The following NAV1 variants were observed in gnomAD, a reference collection of about 807,000 sequenced individuals.
NAV1 encodes the protein pore membrane and/or filament interacting like protein 3.
NAV1 carries 18 observed loss-of-function variants against 175.2 expected under a neutral mutation model. That is an observed-to-expected ratio of 0.10 (90% CI 0.07 to 0.15). The LOEUF (loss-of-function observed/expected upper bound fraction) is 0.15, where lower values mean the gene tolerates loss of function less well. Among genes scored for constraint, NAV1 ranks in the 10% least tolerant of loss-of-function variants. The pLI, the probability that NAV1 is intolerant of heterozygous loss-of-function variation, is 1.00. For synonymous variants in NAV1, 897 were observed against 978.7 expected (o/e 0.92, Z 1.56); for missense variants, 1,731 against 2,436.6 (o/e 0.71, Z 6.10).
upstream of NAV1, among the ~76,000 whole-genome samples, chr1:201,644,412 G>A (rs931442408): frequency 6.6e-6 from 1 of 152,202 alleles, no homozygotes; most frequent in Non-Finnish European, 1.5e-5. Context: ...TCCCACTGCA[G>A]TAGAGGATAG....
chr1:201,617,399 G>T (rs912695491), intron 2 of NAV1, among the ~76,000 whole-genome samples: 4 of 152,180 alleles, frequency 2.6e-5, no homozygotes, highest in South Asian at 4.1e-4. Flanking sequence ...ATGCTGACAG[G>T]CAAGCTCTTT....
intron 1 of NAV1, among the ~76,000 whole-genome samples, chr1:201,650,216 G>A (rs1206730908): frequency 6.6e-6 from 1 of 152,202 alleles, no homozygotes; most frequent in Non-Finnish European, 1.5e-5. Flanking sequence ...GAGGAAGCGC[G>A]CAGAGCTGTT....
At position 201,809,272 on chromosome 1, in the gene NAV1, TC is replaced by T; in HGVS notation, c.4305+12del. ...CACATCATCAAAGGGGTAAGGAACT[TC>T]AGGGAGAGCCACAGTGGGAATGAAC... On this transcript the variant is annotated intron_variant, in intron 21 of 29. Transcript: ENST00000367296. 6.2e-7 allele frequency: 1 copy of T among 1,613,366 alleles called. No individual in the cohort carries two copies. Among genetic ancestry groups the T allele is most frequent in the East Asian group, 2.2e-5 (1 of 44,864 alleles).
At chr1:201,615,768 C>A (rs1158690395) in intron 2 of NAV1, among the ~76,000 whole-genome samples, 1 of 152,206 alleles carries the variant, frequency 6.6e-6, no homozygotes, top group Non-Finnish European at 1.5e-5. Flanking sequence ...GATTCAAAAG[C>A]CTTTACTCTT....
intron 3 of NAV1, among the ~76,000 whole-genome samples, chr1:201,765,874 C>T (rs1280064253): frequency 6.6e-6 from 1 of 152,152 alleles, no homozygotes; most frequent in East Asian, 1.9e-4. Flanking sequence ...GGATTTAAAT[C>T]TGAATTTGGG....
chr1:201,660,617 G>A (rs1669571394), intron 1 of NAV1, among the ~76,000 whole-genome samples: 1 of 152,234 alleles, frequency 6.6e-6, no homozygotes, highest in South Asian at 2.1e-4. Context: ...ACCCGTGGGG[G>A]ACCATTTAAC....
chr1:201,775,539 C>G (rs1675882035), intron 3 of NAV1, among the ~76,000 whole-genome samples: 1 of 152,152 alleles, frequency 6.6e-6, no homozygotes, highest in African/African-American at 2.4e-5. Context: ...TATAAGCAAA[C>G]AGCCAAGCTT....
chr1:201,542,525 G>A (rs1251000476), intron 1 of NAV1, among the ~76,000 whole-genome samples: 8 of 152,126 alleles, frequency 5.3e-5, no homozygotes, highest in Non-Finnish European at 4.4e-5. Context: ...GGCCTCATCT[G>A]TTCCCTTAAC....
intron 2 of NAV1, among the ~76,000 whole-genome samples, chr1:201,615,271 T>C (rs1217757052): frequency 4.9e-5 from 7 of 141,836 alleles, no homozygotes; most frequent in South Asian, 2.2e-4. Context: ...TTCTTTCTTT[T>C]TTTTTTTGTT....
chr1:201,574,933 C>T (rs1384134351), intron 1 of NAV1, among the ~76,000 whole-genome samples: 1 of 152,208 alleles, frequency 6.6e-6, no homozygotes, highest in East Asian at 1.9e-4. Flanking sequence ...GCATGGAAGA[C>T]AGACAGTGCC....
chr1:201,657,863 C>G (rs34857420), intron 1 of NAV1, among the ~76,000 whole-genome samples: 30,904 of 152,066 alleles, frequency 0.2, 3,856 homozygotes, highest in Admixed American at 0.37. Flanking sequence ...AAAACCCTGT[C>G]TCTACTAAAA....
chr1:201,653,748 G>T (rs1669294952), intron 1 of NAV1, among the ~76,000 whole-genome samples: 1 of 152,126 alleles, frequency 6.6e-6, no homozygotes, highest in Admixed American at 6.5e-5. Flanking sequence ...GCTCACTCCT[G>T]CCCTTCCTCT....
In NAV1 at chr1:201,740,573, T is replaced by G. The variant is rs1673356786; in HGVS notation, c.1226+21818T>G. Reference sequence around the variant, plus strand: ...GGAAGCTCCGGGGGTCGTCCTGGGGTGAAAGGAGGTGGTGGGAGGCGGAAG... The same window carrying G: ...GGAAGCTCCGGGGGTCGTCCTGGGGGGAAAGGAGGTGGTGGGAGGCGGAAG... On this transcript the variant is annotated intron_variant, in intron 3 of 29. Coordinates refer to ENST00000367296, the Ensembl canonical transcript of NAV1. The surrounding 1 kb of genome is among the most constrained non-coding windows in gnomAD (Gnocchi z 4.7). Among the ~76,000 whole-genome samples, 1 of 147,760 alleles carries G rather than the reference T, an allele frequency of 6.8e-6. No individual in the cohort carries two copies.
chr1:201,571,904 T>C (rs1666555142), intron 1 of NAV1, among the ~76,000 whole-genome samples: 1 of 152,192 alleles, frequency 6.6e-6, no homozygotes, highest in African/African-American at 2.4e-5. Context: ...ACCACATATG[T>C]TAATGATACT....
chr1:201,783,360 C>T lies in NAV1; in HGVS notation c.2358-46C>T. 1.9e-6 allele frequency: 3 copies of T among 1,570,546 alleles called. No homozygotes were observed. In the Middle Eastern group the frequency reaches 5.0e-4, roughly 264 times the overall value. ...TCTTTAAGGTCCTATCTGCCTCTCA[C>T]TCTGTAATTCTATTATTCTAAATAT... On this transcript the variant is annotated intron_variant, in intron 6 of 29. Transcript: ENST00000367296.
At chr1:201,653,175 C>A (rs1325746987) in intron 1 of NAV1, among the ~76,000 whole-genome samples, 1 of 152,164 alleles carries the variant, frequency 6.6e-6, no homozygotes, top group Non-Finnish European at 1.5e-5. Flanking sequence ...TATAGTAACA[C>A]CCCAAATCTT....
chr1:201,543,385 C>A (rs144619303), intron 1 of NAV1, among the ~76,000 whole-genome samples: 1 of 151,988 alleles, frequency 6.6e-6, no homozygotes. Context: ...CTGTATCACT[C>A]GAGATAATCC....
chr1:201,553,818 T>C (rs1232081594), intron 1 of NAV1, among the ~76,000 whole-genome samples: 1 of 152,244 alleles, frequency 6.6e-6, no homozygotes, highest in Non-Finnish European at 1.5e-5. Flanking sequence ...TTGAGATTCA[T>C]CCATGTTGAA....
At chr1:201,554,095 G>T (rs1665944432) in intron 1 of NAV1, among the ~76,000 whole-genome samples, 1 of 152,182 alleles carries the variant, frequency 6.6e-6, no homozygotes, top group Admixed American at 6.5e-5. Context: ...CCATGGACTG[G>T]AGCTGCCTTT....
Sources: gnomAD v4.1 joint callset for allele counts (sites outside exome capture counted in the v4.1 genomes callset) on GRCh38, gnomAD v4.1.1 for gene constraint, Gnocchi (gnomAD v3.1) non-coding constraint, MANE v1.5 for transcripts, NCBI Gene and HGNC (gene_info 2026-07-23, HGNC 2026-07-21) for gene names.